GRIN2A: variants seen among roughly 807,000 people sequenced by gnomAD.
GRIN2A encodes glutamate receptor ionotropic, NMDA 2A.
GRIN2A carries 22 observed loss-of-function variants against 113.4 expected under a neutral mutation model. The observed-to-expected ratio is 0.19, with a 90% confidence interval of 0.14 to 0.28. The LOEUF is 0.28. Among genes scored for constraint, GRIN2A ranks in the 10% least tolerant of loss-of-function variants. The probability of loss-of-function intolerance (pLI) is 1.00; values close to 1 mark genes in which losing one functional copy is unlikely to be tolerated. For synonymous variants in GRIN2A, 827 were observed against 738.4 expected, an observed-to-expected ratio of 1.12 and a Z score of -1.94; for missense variants, 1,502 against 1,887.0, an observed-to-expected ratio of 0.80 and a Z score of 3.78.
At chr16:10,021,502 T>C (rs927449823) in intron 2 of GRIN2A, among the ~76,000 whole-genome samples, 1 of 152,036 alleles carries the variant, frequency 6.6e-6, no homozygotes, top group Non-Finnish European at 1.5e-5. Flanking sequence ...CTGTGATACA[T>C]TCCCCCAGTT....
At chr16:10,079,210 C>T (rs2047934399) in intron 2 of GRIN2A, among the ~76,000 whole-genome samples, 3 of 152,062 alleles carry the variant, frequency 2.0e-5, no homozygotes, top group Admixed American at 2.0e-4. Flanking sequence ...AGGAGAGGGG[C>T]ATATGGATAA....
chr16:9,987,931 A>G (rs985183138), intron 2 of GRIN2A, among the ~76,000 whole-genome samples: 2 of 152,216 alleles, frequency 1.3e-5, no homozygotes, highest in African/African-American at 4.8e-5. Flanking sequence ...CAAAGACTGT[A>G]CAGCTAATAC....
chr16:9,807,521 A>G (rs1479376146), intron 10 of GRIN2A, among the ~76,000 whole-genome samples: 1 of 152,156 alleles, frequency 6.6e-6, no homozygotes, highest in African/African-American at 2.4e-5. Flanking sequence ...TTTCAAAGAT[A>G]GGGAAGGATT....
chr16:10,032,822 C>G (rs11074542), intron 2 of GRIN2A, among the ~76,000 whole-genome samples: 33,181 of 152,130 alleles, frequency 0.22, 4,349 homozygotes, highest in East Asian at 0.52. Flanking sequence ...CTCCCAGCTG[C>G]AACTCCTAAC....
rs111417434 is a variant in GRIN2A at position 9,854,897 on chromosome 16, A to G, written c.1123-4936T>C. Among the ~76,000 whole-genome samples, 1,170 of 152,256 alleles carry G rather than the reference A, an allele frequency of 7.7e-3. 7 individuals are homozygous for G. The highest frequency in any genetic ancestry group is 0.014 in the Non-Finnish European group (974 of 68,018). ...AAATCATACAGTCCTTGTCAATCAC[A>G]TGCTATTTTTGGAGCTTGGAGGGAA... On this transcript the variant is annotated intron_variant, in intron 4 of 12. Transcript: ENST00000330684.
Position 9,755,962 on chromosome 16 carries a change from T to C in GRIN2A, c.*7187A>G, listed in dbSNP as rs1161303565. The C allele has an allele frequency of 4.6e-6, 1 of 217,482 alleles. No individual in the cohort carries two copies. Among genetic ancestry groups the C allele is most frequent in the Non-Finnish European group, 9.3e-6 (1 of 108,020 alleles). The allele number at this position is 217,482 out of a possible 1,614,324, so 13.5% of individuals were successfully genotyped here. On this transcript the variant is annotated 3_prime_UTR_variant, in exon 13 of 13. Transcript: ENST00000330684. ...CTCTCCATCATTCATGCAGAAACTC[T>C]ATTTCCTATTCCCTGTCCCACCTCT...
intron 2 of GRIN2A, among the ~76,000 whole-genome samples, chr16:10,087,989 C>A (rs2048114693): frequency 6.6e-6 from 1 of 151,906 alleles, no homozygotes; most frequent in African/African-American, 2.4e-5. Context: ...CACGCCTGGC[C>A]TTAGCAAATT....
At chr16:10,116,805 C>A (rs1226623391) in intron 2 of GRIN2A, among the ~76,000 whole-genome samples, 1 of 152,182 alleles carries the variant, frequency 6.6e-6, no homozygotes, top group Non-Finnish European at 1.5e-5. Flanking sequence ...CAACTTCTAT[C>A]CCTCATCATT....
chr16:9,979,238 G>C (rs545673621), intron 2 of GRIN2A, among the ~76,000 whole-genome samples: 77 of 152,298 alleles, frequency 5.1e-4, no homozygotes, highest in African/African-American at 1.8e-3. Context: ...GGTTGCCTCA[G>C]TTGCCTTATC....
intron 2 of GRIN2A, among the ~76,000 whole-genome samples, chr16:10,097,849 A>G (rs1272742292): frequency 6.6e-6 from 1 of 152,238 alleles, no homozygotes; most frequent in Non-Finnish European, 1.5e-5. Flanking sequence ...TCTAGAAGGT[A>G]ACACGGGAAA....
intron 2 of GRIN2A, among the ~76,000 whole-genome samples, chr16:10,097,647 G>T (rs772837147): frequency 3.3e-5 from 5 of 152,204 alleles, no homozygotes; most frequent in Non-Finnish European, 5.9e-5. Flanking sequence ...GAGGTGGGCA[G>T]TGGTGGGGAC....
chr16:10,007,023 C>G (rs1428873951), intron 2 of GRIN2A, among the ~76,000 whole-genome samples: 3 of 152,172 alleles, frequency 2.0e-5, no homozygotes, highest in African/African-American at 7.2e-5. Flanking sequence ...TTTCTTTATG[C>G]ATTAATCTGT....
chr16:10,068,545 A>T (rs1247811098), intron 2 of GRIN2A, among the ~76,000 whole-genome samples: 1 of 152,238 alleles, frequency 6.6e-6, no homozygotes, highest in Non-Finnish European at 1.5e-5. Flanking sequence ...CAGTACCAAG[A>T]GTGTGGCCCA....
At chr16:10,080,551 C>A (rs750696446) in intron 2 of GRIN2A, among the ~76,000 whole-genome samples, 1 of 152,142 alleles carries the variant, frequency 6.6e-6, no homozygotes, top group Non-Finnish European at 1.5e-5. Flanking sequence ...TCTTGGAAGC[C>A]GAGCAACACG....
chr16:9,994,141 T>C (rs1312824728), intron 2 of GRIN2A, among the ~76,000 whole-genome samples: 1 of 152,184 alleles, frequency 6.6e-6, no homozygotes, highest in Non-Finnish European at 1.5e-5. Flanking sequence ...ATACCTCCTT[T>C]CTCACTTAAA....
intron 3 of GRIN2A, among the ~76,000 whole-genome samples, chr16:9,900,226 G>A (rs188949660): frequency 3.9e-5 from 6 of 152,228 alleles, no homozygotes; most frequent in East Asian, 1.9e-4. Context: ...TCCAGTCCCC[G>A]AAGGGAGGCA....
intron 3 of GRIN2A, among the ~76,000 whole-genome samples, chr16:9,923,613 A>G (rs2044398449): frequency 6.6e-6 from 1 of 151,976 alleles, no homozygotes; most frequent in Admixed American, 6.6e-5. Context: ...AGTTTATAGT[A>G]TATATTTTAA....
At chr16:9,934,910 A>G (rs2044677950) in intron 3 of GRIN2A, among the ~76,000 whole-genome samples, 1 of 151,812 alleles carries the variant, frequency 6.6e-6, no homozygotes, top group Non-Finnish European at 1.5e-5. Flanking sequence ...ATGGATGGAG[A>G]GATGTTTCAT....
chr16:9,874,667 A>C (rs764005034), intron 4 of GRIN2A, among the ~76,000 whole-genome samples: 1 of 152,208 alleles, frequency 6.6e-6, no homozygotes, highest in Non-Finnish European at 1.5e-5. Flanking sequence ...GCTAGAATCT[A>C]GACTTTGCCA....
Sources: gnomAD v4.1 joint callset for allele counts (sites outside exome capture counted in the v4.1 genomes callset) on GRCh38, gnomAD v4.1.1 for gene constraint, MANE v1.5 for transcripts, NCBI Gene and HGNC (gene_info 2026-07-23, HGNC 2026-07-21) for gene names.